The following SH3RF2 variants were observed in gnomAD, a reference collection of about 807,000 sequenced individuals.
SH3RF2 encodes SH3 domain containing ring finger 2, also known as E3 ubiquitin-protein ligase SH3RF2.
In SH3RF2, 43 loss-of-function variants were observed where a neutral mutation model predicts 59.0. That is an observed-to-expected ratio of 0.73 (90% confidence interval 0.57 to 0.94). SH3RF2 has a LOEUF of 0.94. Ranked by LOEUF, SH3RF2 falls within the 40% of genes least tolerant of loss-of-function variation. The probability of loss-of-function intolerance (pLI) is 0.00; values close to 1 mark genes in which losing one functional copy is unlikely to be tolerated. For synonymous variants in SH3RF2, 391 were observed against 391.5 expected (o/e 1.00, Z 0.01); for missense variants, 930 against 940.1 (o/e 0.99, Z 0.14).
rs951820848 is a variant in SH3RF2 at position 145,972,237 on chromosome 5, G to GA, written c.379-27812dup. Among the ~76,000 whole-genome samples the GA allele has an allele frequency of 2.5e-4, 37 of 150,444 alleles. 1 individual carries two copies. Among genetic ancestry groups the GA allele is most frequent in the African/African-American group, 7.8e-4 (32 of 40,980 alleles). ...TAAAATAAATCTTTGATAAAAAATTGAAAAAAAAATTAAAGAAAGAAAAGG... is the reference window on the plus strand; with the variant it reads ...TAAAATAAATCTTTGATAAAAAATTGAAAAAAAAAATTAAAGAAAGAAAAGG... On this transcript the variant is annotated intron_variant, in intron 2 of 9. Transcript: ENST00000359120.
chr5:146,007,997 G>C (rs931310854), intron 4 of SH3RF2, among the ~76,000 whole-genome samples: 6 of 152,312 alleles, frequency 3.9e-5, no homozygotes, highest in Admixed American at 2.6e-4. Flanking sequence ...TTTCTTATGA[G>C]CATGATGTGT....
In SH3RF2 at chr5:146,014,065, G is replaced by A. The variant is rs369446779; in HGVS notation, c.1059+4G>A. The A allele has an allele frequency of 6.5e-5, 105 of 1,611,820 alleles. No homozygotes were observed. Among genetic ancestry groups the A allele is most frequent in the Non-Finnish European group, 8.4e-5 (99 of 1,179,542 alleles). Reference sequence around the variant, plus strand: ...TCCTTCCAGCTGTGTGGGACAGGTAGGGAAGAAACGCCTGGGATGAGGGCA... The same window carrying A: ...TCCTTCCAGCTGTGTGGGACAGGTAAGGAAGAAACGCCTGGGATGAGGGCA... On this transcript the variant is annotated splice_donor_region_variant and intron_variant, in intron 5 of 9. Transcript: ENST00000359120.
chr5:146,050,989 CTT>C (rs1762476372), intron 7 of SH3RF2, among the ~76,000 whole-genome samples: 2 of 152,192 alleles, frequency 1.3e-5, no homozygotes, highest in African/African-American at 4.8e-5. Flanking sequence ...AATCCTAACA[CTT>C]TGGGAGGCTG....
intron 2 of SH3RF2, among the ~76,000 whole-genome samples, chr5:145,941,102 A>C (rs1664482800): frequency 6.6e-6 from 1 of 152,184 alleles, no homozygotes; most frequent in Admixed American, 6.5e-5. Context: ...ATTTTGTAAA[A>C]CACCTCTTTC....
At chr5:145,985,679 G>A (rs1331247356) in intron 2 of SH3RF2, among the ~76,000 whole-genome samples, 3 of 152,148 alleles carry the variant, frequency 2.0e-5, no homozygotes, top group Admixed American at 6.5e-5. Context: ...TATTTCTGAT[G>A]TATTTTAAAG....
intron 1 of SH3RF2, chr5:145,937,227 T>A (rs1406829241): frequency 6.6e-6 from 1 of 151,686 alleles, no homozygotes; most frequent in Non-Finnish European, 1.5e-5. Flanking sequence ...CCCTGACCTG[T>A]GGTTAAGGCA....
intron 5 of SH3RF2, among the ~76,000 whole-genome samples, chr5:146,023,663 T>C (rs2906822): frequency 0.96 from 146,576 of 152,280 alleles, 70,812 homozygotes; most frequent in East Asian, 1. Flanking sequence ...TTAATATATT[T>C]ACACAGTTGA....
At position 146,051,366 on chromosome 5, in the gene SH3RF2, G is replaced by T. The variant is rs116175998; in HGVS notation, c.1322+2121G>T. Among the ~76,000 whole-genome samples, 1,033 of 152,320 alleles carry T rather than the reference G, an allele frequency of 6.8e-3. 15 individuals carry two copies. Among genetic ancestry groups the T allele is most frequent in the African/African-American group, 0.024 (1,006 of 41,568 alleles). ...GTGTTTAACCAGAATCCCTGTATTT[G>T]CTGGATTGAGAATAAACTATACAAA... On this transcript the variant is annotated intron_variant, in intron 7 of 9. Transcript: ENST00000359120.
chr5:146,018,138 T>G (rs1022094552), intron 5 of SH3RF2, among the ~76,000 whole-genome samples: 7 of 152,150 alleles, frequency 4.6e-5, no homozygotes, highest in African/African-American at 1.4e-4. Flanking sequence ...CAAGTGGTTT[T>G]TGGTTACATG....
rs1195930357 is a variant in SH3RF2, at chr5:145,938,021, C to T, written c.93C>T (p.Thr31=). 2 of 1,614,124 alleles carry T rather than the reference C, an allele frequency of 1.2e-6. No individual in the cohort carries two copies. The highest frequency in any genetic ancestry group is 8.5e-7 in the Non-Finnish European group (1 of 1,180,052). ...VTAKVLPCQH[T]FCKPCLQRVF... ...CCAAAGTCCTCCCTTGCCAGCACAC[C>T]TTCTGCAAACCATGTCTACAGAGGG... The change falls in exon 2 of 10, where the codon ACC becomes ACT. Residue 31 remains threonine (T), a synonymous_variant. Transcript: ENST00000359120.
chr5:146,053,001 C>T (rs956088119), intron 7 of SH3RF2, among the ~76,000 whole-genome samples: 2 of 152,100 alleles, frequency 1.3e-5, no homozygotes, highest in African/African-American at 4.8e-5. Context: ...TGTACTGCAG[C>T]CTTTTATAAA....
At chr5:146,025,989 C>A (rs966127550) in intron 5 of SH3RF2, among the ~76,000 whole-genome samples, 2 of 152,286 alleles carry the variant, frequency 1.3e-5, no homozygotes, top group East Asian at 3.9e-4. Flanking sequence ...CCAAGGGGAG[C>A]TTTTAGAATC....
At chr5:146,070,821 G>A (rs1325936585) in intron 9 of SH3RF2, among the ~76,000 whole-genome samples, 1 of 152,172 alleles carries the variant, frequency 6.6e-6, no homozygotes, top group Non-Finnish European at 1.5e-5. Context: ...AGGCAAATGG[G>A]GTCACTGCTG....
chr5:145,965,767 T>C (rs11952694), intron 2 of SH3RF2, among the ~76,000 whole-genome samples: 11,971 of 152,200 alleles, frequency 0.079, 1,583 homozygotes, highest in African/African-American at 0.27. Flanking sequence ...GGCACTCTCA[T>C]AGAATGTGCG....
intron 2 of SH3RF2, among the ~76,000 whole-genome samples, chr5:145,964,251 T>C: frequency 4.6e-5 from 7 of 151,186 alleles, no homozygotes; most frequent in Non-Finnish European, 1.0e-4. Context: ...CTTCTTTCTC[T>C]TTCTTTCTTC....
intron 5 of SH3RF2, among the ~76,000 whole-genome samples, chr5:146,018,786 C>A (rs10041260): frequency 0.91 from 138,680 of 152,200 alleles, 64,622 homozygotes; most frequent in East Asian, 1. Context: ...CATCCATGCC[C>A]ACATCGACTG....
chr5:146,064,660 GAAA>G (rs1763012923), downstream of SH3RF2, among the ~76,000 whole-genome samples: 6 of 7,070 alleles, frequency 8.5e-4, no homozygotes, highest in African/African-American at 1.4e-3. Flanking sequence ...GAGAGAGAGA[GAAA>G]GAGAAAGAAA....
intron 2 of SH3RF2, among the ~76,000 whole-genome samples, chr5:145,950,384 A>G (rs1758149287): frequency 6.6e-6 from 1 of 152,234 alleles, no homozygotes. Context: ...CAACATTACC[A>G]TTCTAATGTT....
In SH3RF2 at chr5:146,010,693, G is replaced by A. The variant is rs529843062; in HGVS notation, c.745-3054G>A. ...AAATGTCTTCTTTTGAGAAGTGTAC[G>A]TTCATATCTTTTGCCCACTTGTTGA... is the stretch of plus-strand genomic sequence containing the variant. On this transcript the variant is annotated intron_variant, in intron 4 of 9. Transcript: ENST00000359120. Among the ~76,000 whole-genome samples the A allele has an allele frequency of 1.3e-3, 195 of 152,204 alleles. 2 individuals carry two copies. The highest frequency in any genetic ancestry group is 3.0e-3 in the Admixed American group (46 of 15,286).
Sources: allele counts gnomAD v4.1 joint callset (sites outside exome capture counted in the v4.1 genomes callset), GRCh38; gene constraint gnomAD v4.1.1; transcripts MANE v1.5; gene names NCBI Gene and HGNC (gene_info 2026-07-23, HGNC 2026-07-21).